The following MAPT variants were observed in gnomAD, a reference collection of about 807,000 sequenced individuals.
The protein encoded by MAPT is microtubule associated protein tau, also known as microtubule-associated protein tau.
In MAPT, 34 loss-of-function variants were observed where a neutral mutation model predicts 67.9. The observed-to-expected ratio is 0.50, with a 90% CI of 0.38 to 0.67. The LOEUF (loss-of-function observed/expected upper bound fraction) is 0.67, where lower values mean the gene tolerates loss of function less well. MAPT is among the 30% of genes least tolerant of loss of function. MAPT has a pLI of 0.00. For synonymous variants in MAPT, 456 were observed against 464.5 expected, an observed-to-expected ratio of 0.98 and a Z score of 0.23; for missense variants, 881 against 1,115.2, an observed-to-expected ratio of 0.79 and a Z score of 2.99.
rs1217642734 is a variant in MAPT, at chr17:45,983,816, CGG to C, written c.1240_1241del (p.Gly414ProfsTer11). On this transcript the variant is annotated frameshift_variant, in exon 5 of 13. Coordinates refer to ENST00000262410, the MANE Select transcript of MAPT (RefSeq NM_001377265.1). LOFTEE classifies it high-confidence loss of function. ...GGCCCCTGGAGAGGGGCCAGAGGCCCGGGGCCCCTCTTTGGGAGAGGACACAA... is the reference window on the plus strand; with the variant it reads ...GGCCCCTGGAGAGGGGCCAGAGGCCCGGCCCCTCTTTGGGAGAGGACACAA... The part of the protein sequence containing the change: ...PGAPGEGPEA[R>X]GPSLGEDTKE... The C allele has an allele frequency of 4.3e-6, 7 of 1,613,022 alleles. No individual in the cohort carries two copies. Among genetic ancestry groups the C allele is most frequent in the Non-Finnish European group, 5.9e-6 (7 of 1,179,878 alleles).
chr17:45,964,005 T>G (rs1288545441), intron 2 of MAPT, among the ~76,000 whole-genome samples: 1 of 152,114 alleles, frequency 6.6e-6, no homozygotes, highest in East Asian at 1.9e-4. Context: ...CCAGAAGCTC[T>G]GGGTGAGGAG....
intron 1 of MAPT, chr17:45,907,938 T>C (rs1319074251): frequency 1.3e-5 from 2 of 152,278 alleles, no homozygotes; most frequent in African/African-American, 4.8e-5. Context: ...GCCCAAGCTC[T>C]CTCCCGCTTG....
At chr17:46,021,899 T>C (rs1236150235) in intron 12 of MAPT, among the ~76,000 whole-genome samples, 2 of 152,118 alleles carry the variant, frequency 1.3e-5, no homozygotes, top group East Asian at 1.9e-4. Flanking sequence ...TCCCAGTGTA[T>C]TGAGAAAAAT....
chr17:45,907,044 AC>A (rs922135906), intron 1 of MAPT, among the ~76,000 whole-genome samples: 1 of 151,954 alleles, frequency 6.6e-6, no homozygotes, highest in Non-Finnish European at 1.5e-5. Flanking sequence ...TCCCAGAGCA[AC>A]CCCGTCACCT....
At chr17:45,934,077 A>G (rs573458537) in intron 1 of MAPT, among the ~76,000 whole-genome samples, 3 of 152,106 alleles carry the variant, frequency 2.0e-5, no homozygotes, top group African/African-American at 7.2e-5. Flanking sequence ...AATTATGGTC[A>G]TGGGCCAGGT....
At chr17:46,003,218 C>T (rs1270782644) in intron 9 of MAPT, among the ~76,000 whole-genome samples, 24 of 152,058 alleles carry the variant, frequency 1.6e-4, no homozygotes, top group Admixed American at 1.6e-3. Context: ...CCTTTTACCC[C>T]TCTTTCCTCC....
chr17:45,928,002 GAAAAAAAAAA>G (rs35954789), intron 1 of MAPT, among the ~76,000 whole-genome samples: 4 of 55,192 alleles, frequency 7.2e-5, no homozygotes, highest in African/African-American at 3.0e-4. Flanking sequence ...TCCGTCTCAG[GAAAAAAAAAA>G]AAAAAAAAAA....
At chr17:45,967,850 C>G (rs2071245794) in intron 2 of MAPT, among the ~76,000 whole-genome samples, 1 of 152,168 alleles carries the variant, frequency 6.6e-6, no homozygotes, top group African/African-American at 2.4e-5. Flanking sequence ...CTGTGCTCCC[C>G]CATCCTGGGC....
chr17:45,943,182 T>C (rs2068148661), intron 1 of MAPT, among the ~76,000 whole-genome samples: 1 of 152,214 alleles, frequency 6.6e-6, no homozygotes, highest in Non-Finnish European at 1.5e-5. Context: ...GCCTCCCAAG[T>C]AGCTGGGATT....
intron 1 of MAPT, among the ~76,000 whole-genome samples, chr17:45,955,156 C>G (rs1174121436): frequency 6.6e-6 from 1 of 152,156 alleles, no homozygotes; most frequent in African/African-American, 2.4e-5. Flanking sequence ...AAAAACAACC[C>G]ACCCTTGTCC....
intron 12 of MAPT, among the ~76,000 whole-genome samples, chr17:46,022,922 G>A (rs1172785009): frequency 6.6e-6 from 1 of 151,654 alleles, no homozygotes; most frequent in Non-Finnish European, 1.5e-5. Context: ...TAGATAAATA[G>A]ATGGATAGAT....
At position 45,995,711 on chromosome 17, in the gene MAPT, A is replaced by G. The variant is rs2074415814; in HGVS notation, c.1733-688A>G. Among the ~76,000 whole-genome samples, 1 of 152,194 alleles carries G rather than the reference A, an allele frequency of 6.6e-6. No homozygotes were observed. The highest frequency in any genetic ancestry group is 2.4e-5 in the African/African-American group (1 of 41,456). On this transcript the variant is annotated intron_variant, in intron 8 of 12. Transcript: ENST00000262410. This position sits in a 1 kb window ranked among gnomAD's most constrained non-coding sequence, Gnocchi z 4.3. Reference sequence around the variant, plus strand: ...GAACTGTACGTCAGGGCACAGCAGCATGAAGCGGTATGGCTCGTGTGGACA... The same window carrying G: ...GAACTGTACGTCAGGGCACAGCAGCGTGAAGCGGTATGGCTCGTGTGGACA...
intron 1 of MAPT, among the ~76,000 whole-genome samples, chr17:45,925,694 A>C (rs1264237915): frequency 6.6e-6 from 1 of 152,236 alleles, no homozygotes; most frequent in Non-Finnish European, 1.5e-5. Context: ...ATGGGAAAAC[A>C]CTTCTGACAT....
At chr17:45,903,249 T>C (rs908605092) in intron 1 of MAPT, among the ~76,000 whole-genome samples, 3 of 152,204 alleles carry the variant, frequency 2.0e-5, no homozygotes, top group Admixed American at 2.0e-4. Context: ...TTCTAAATCA[T>C]GTGTCAACAG....
At chr17:46,003,123 G>T (rs2075146355) in intron 9 of MAPT, among the ~76,000 whole-genome samples, 1 of 129,242 alleles carries the variant, frequency 7.7e-6, no homozygotes, top group South Asian at 2.3e-4. Context: ...TGTGTGTGTG[G>T]GCGCACTCTC....
At chr17:46,013,928 C>T (rs2075990613) in intron 10 of MAPT, among the ~76,000 whole-genome samples, 1 of 152,176 alleles carries the variant, frequency 6.6e-6, no homozygotes, top group South Asian at 2.1e-4. Context: ...ATGTCTGGGT[C>T]TTGCACAATG....
chr17:45,988,226 C>G (rs946845377), intron 6 of MAPT, among the ~76,000 whole-genome samples: 1 of 152,216 alleles, frequency 6.6e-6, no homozygotes, highest in Non-Finnish European at 1.5e-5. Context: ...CCTGACCACA[C>G]AGAGGGCCTT....
chr17:45,903,435 G>C (rs1325251446), intron 1 of MAPT, among the ~76,000 whole-genome samples: 1 of 151,900 alleles, frequency 6.6e-6, no homozygotes, highest in Non-Finnish European at 1.5e-5. Flanking sequence ...GCAACATCAG[G>C]CAGTCTGGGC....
intron 1 of MAPT, among the ~76,000 whole-genome samples, chr17:45,956,598 A>T (rs55945102): frequency 0.47 from 39,545 of 83,590 alleles, 6,262 homozygotes; most frequent in South Asian, 0.56. Context: ...ATATATATAT[A>T]TATTTTTTAT....
Sources: gnomAD v4.1 joint callset for allele counts (sites outside exome capture counted in the v4.1 genomes callset) on GRCh38, gnomAD v4.1.1 for gene constraint, Gnocchi (gnomAD v3.1) non-coding constraint, MANE v1.5 for transcripts, NCBI Gene and HGNC (gene_info 2026-07-23, HGNC 2026-07-21) for gene names.